Variants in SPI1 observed in about 807,000 individuals in gnomAD.
SPI1 encodes Spi-1 proto-oncogene.
SPI1 carries 3 observed loss-of-function variants against 30.7 expected under a neutral mutation model. That is an observed-to-expected ratio of 0.10 (90% CI 0.04 to 0.25). The LOEUF is 0.25. Among genes scored for constraint, SPI1 ranks in the 10% least tolerant of loss-of-function variants. The pLI, the probability that SPI1 is intolerant of heterozygous loss-of-function variation, is 1.00. For synonymous variants in SPI1, 169 were observed against 157.1 expected, an observed-to-expected ratio of 1.08 and a Z score of -0.56; for missense variants, 261 against 371.5, an observed-to-expected ratio of 0.70 and a Z score of 2.45.
At chr11:47,356,031 C>CAT (rs2095908283) in intron 4 of SPI1, among the ~76,000 whole-genome samples, 7 of 151,684 alleles carry the variant, frequency 4.6e-5, no homozygotes, top group Admixed American at 4.6e-4. Context: ...CTGTCACACA[C>CAT]ATGCACACAC....
At chr11:47,358,513 C>T (rs1240885298) in intron 4 of SPI1, 4 of 667,478 alleles carry the variant, frequency 6.0e-6, no homozygotes, top group Admixed American at 4.1e-5. Flanking sequence ...CCCACTCACA[C>T]AGCCACTCGC....
intron 4 of SPI1, among the ~76,000 whole-genome samples, chr11:47,356,706 C>T (rs1485857316): frequency 6.6e-6 from 1 of 151,882 alleles, no homozygotes; most frequent in African/African-American, 2.4e-5. Context: ...CACACACATG[C>T]CCCTGCTCAC....
intron 2 of SPI1, among the ~76,000 whole-genome samples, chr11:47,361,260 G>T (rs2095920436): frequency 6.6e-6 from 1 of 152,196 alleles, no homozygotes; most frequent in Non-Finnish European, 1.5e-5. Flanking sequence ...TGACAGCAGA[G>T]TCACAGGGCT....
chr11:47,360,249 G>A (rs1407811540), intron 2 of SPI1, among the ~76,000 whole-genome samples: 2 of 152,136 alleles, frequency 1.3e-5, no homozygotes, highest in Non-Finnish European at 2.9e-5. Context: ...AAGGTCAAAA[G>A]CATCCGGGTC....
intron 4 of SPI1, among the ~76,000 whole-genome samples, chr11:47,356,224 C>T (rs911438926): frequency 6.6e-6 from 1 of 151,494 alleles, no homozygotes; most frequent in Non-Finnish European, 1.5e-5. Context: ...CATGCTCACA[C>T]ACTCATTCAC....
At chr11:47,360,614 TCAGGAGATTGAGACCATCCTGGC>T (rs1353920778) in intron 2 of SPI1, among the ~76,000 whole-genome samples, 1 of 151,092 alleles carries the variant, frequency 6.6e-6, no homozygotes, top group Non-Finnish European at 1.5e-5. Flanking sequence ...GATCATGAGG[TCAGGAGATTGAGACCATCCTGGC>T]CAACGTGGTG....
rs1345732627 is a variant in SPI1 at position 47,378,318 on chromosome 11, G to A, written c.36C>T (p.Leu12=). The change falls in exon 1 of 5, where the codon CTC becomes CTT. Residue 12 remains leucine (L), a synonymous_variant. Coordinates refer to ENST00000378538, the MANE Select transcript of SPI1 (RefSeq NM_003120.3). ...LQACKMEGFP[L]VPPPSEDLVP... is the part of the protein sequence containing the mutation. ...GAGTCCCGGTACTCACAGGGGGGAC[G>A]AGGGGAAACCCTTCCATTTTGCACG... 2.5e-6 allele frequency: 4 copies of A among 1,613,700 alleles called. No homozygotes were observed. The highest frequency in any genetic ancestry group is 4.5e-5 in the East Asian group (2 of 44,882).
chr11:47,375,745 G>C lies in SPI1; in HGVS notation c.46-16C>G. The C allele has an allele frequency of 6.2e-7, 1 of 1,606,734 alleles. No homozygotes were observed. Among genetic ancestry groups the C allele is most frequent in the South Asian group, 1.1e-5 (1 of 90,916 alleles). On this transcript the variant is annotated splice_polypyrimidine_tract_variant and intron_variant, in intron 1 of 4. Coordinates refer to ENST00000378538, the MANE Select transcript of SPI1 (RefSeq NM_003120.3). The surrounding 1 kb of genome is among the most constrained non-coding windows in gnomAD (Gnocchi z 4.2). ...CTTCTGATGGCTGCTGAGAGAGGAG[G>C]TGTCAGGGCCTGCACCATGGTGGGA... is the stretch of plus-strand genomic sequence containing the variant.
intron 2 of SPI1, among the ~76,000 whole-genome samples, chr11:47,370,612 G>C (rs1349670245): frequency 6.6e-6 from 1 of 152,168 alleles, no homozygotes; most frequent in Non-Finnish European, 1.5e-5. Context: ...TGAGGCAGGA[G>C]AATTGCTTGA....
Position 47,359,004 on chromosome 11 carries a change from G to C in SPI1, c.333C>G (p.Val111=), listed in dbSNP as rs1272473799. 3 of 1,524,934 alleles carry C rather than the reference G, an allele frequency of 2.0e-6. No homozygotes were observed. In the East Asian group the frequency reaches 6.8e-5, roughly 35 times the overall value. 94.5% of individuals were successfully genotyped at this position (1,524,934 alleles called of 1,614,324 possible). The change falls in exon 4 of 5, where the codon GTC becomes GTG. Residue 111 remains valine, a splice_region_variant and synonymous_variant. Transcript: ENST00000378538. This position sits in a 1 kb window ranked among gnomAD's most constrained non-coding sequence, Gnocchi z 5.1. ...VPPHPSLGHQ[V]SYLPRMCLQY... is the part of the protein sequence containing the mutation. The stretch of plus-strand genomic sequence containing the variant: ...GGAGGCACATCCGGGGCAGGTAGGA[G>C]ACCTGGACGGTGGGGGAAGGAGATC...
At chr11:47,362,612 C>G (rs1275129717) in intron 2 of SPI1, among the ~76,000 whole-genome samples, 1 of 132,766 alleles carries the variant, frequency 7.5e-6, no homozygotes, top group Admixed American at 8.4e-5. Flanking sequence ...AAGTCTCACT[C>G]TTGCCCAAGC....
intron 4 of SPI1, among the ~76,000 whole-genome samples, chr11:47,355,882 C>G (rs1235667991): frequency 1.3e-5 from 2 of 151,262 alleles, no homozygotes; most frequent in South Asian, 2.1e-4. Flanking sequence ...ACACATCACG[C>G]CCACACCCAC....
intron 4 of SPI1, among the ~76,000 whole-genome samples, chr11:47,356,105 C>T (rs766067365): frequency 2.6e-5 from 4 of 151,346 alleles, no homozygotes; most frequent in Non-Finnish European, 4.4e-5. Context: ...TGCACCCAAA[C>T]GCCAGATTGC....
chr11:47,356,563 C>T (rs1017923333), intron 4 of SPI1, among the ~76,000 whole-genome samples: 1 of 151,770 alleles, frequency 6.6e-6, no homozygotes. Context: ...CTCATGTTCA[C>T]ACACCTGCTC....
At chr11:47,362,473 G>C (rs2095922159) in intron 2 of SPI1, among the ~76,000 whole-genome samples, 1 of 151,802 alleles carries the variant, frequency 6.6e-6, no homozygotes, top group African/African-American at 2.4e-5. Context: ...TTGGGAGGCT[G>C]ATACGAAAAG....
chr11:47,359,157 G>T lies in SPI1; in HGVS notation c.331-151C>A. 1.4e-6 allele frequency: 1 copy of T among 694,450 alleles called. No homozygotes were observed. Among genetic ancestry groups the T allele is most frequent in the South Asian group, 2.1e-5 (1 of 47,654 alleles). 43.0% of individuals were successfully genotyped at this position (694,450 alleles called of 1,614,324 possible). On this transcript the variant is annotated intron_variant, in intron 3 of 4. Transcript: ENST00000378538. This position sits in a 1 kb window ranked among gnomAD's most constrained non-coding sequence, Gnocchi z 5.1. The stretch of plus-strand genomic sequence containing the variant: ...CTGGAGGAAGAAGACCAGGGAAAAG[G>T]GGGGCCAGTTGAGGTGCTGCACATA...
At chr11:47,357,183 TCA>T (rs767719729) in intron 4 of SPI1, among the ~76,000 whole-genome samples, 8 of 147,018 alleles carry the variant, frequency 5.4e-5, no homozygotes, top group South Asian at 2.2e-4. Context: ...TCACACCCAC[TCA>T]CACACACCTG....
Position 47,358,966 on chromosome 11 carries a change from A to C in SPI1, c.371T>G (p.Leu124Arg). The C allele has an allele frequency of 1.3e-6, 2 of 1,553,918 alleles. No homozygotes were observed. The highest frequency in any genetic ancestry group is 1.7e-6 in the Non-Finnish European group (2 of 1,149,906). The change falls in exon 4 of 5, where the codon CTG becomes CGG. Residue 124 changes from leucine (L) to arginine (R), a missense_variant. Leu to Arg is a moderately radical substitution (Grantham distance 102, BLOSUM62 -2). Coordinates refer to ENST00000378538, the MANE Select transcript of SPI1 (RefSeq NM_003120.3). ...ATCTGAGCTGGGCTGGGCTGGGGAC[A>C]GGGATGGGTACTGGAGGCACATCCG... ...LPRMCLQYPS[L>R]SPAQPSSDEE... is the part of the protein sequence containing the mutation.
chr11:47,365,598 A>G (rs760072693), intron 2 of SPI1, among the ~76,000 whole-genome samples: 4 of 152,130 alleles, frequency 2.6e-5, no homozygotes, highest in Non-Finnish European at 4.4e-5. Flanking sequence ...CCTGTATCTG[A>G]CCCCAAGGAC....
Sources: gnomAD v4.1 joint callset for allele counts (sites outside exome capture counted in the v4.1 genomes callset) on GRCh38, gnomAD v4.1.1 for gene constraint, Gnocchi (gnomAD v3.1) non-coding constraint, MANE v1.5 for transcripts, NCBI Gene and HGNC (gene_info 2026-07-23, HGNC 2026-07-21) for gene names.